NBPF20: variants seen among roughly 807,000 people sequenced by gnomAD.
NBPF20 encodes the protein NBPF family member NBPF20.
Under a neutral mutation model 68.1 loss-of-function variants are expected in NBPF20, and 90 were observed. That is an observed-to-expected ratio of 1.32 (90% CI 1.11 to 1.58). NBPF20 has a LOEUF of 1.58. Ranked by LOEUF, NBPF20 falls within the 40% of genes most tolerant of loss-of-function variation. The pLI is 0.00. For synonymous variants in NBPF20, 290 were observed against 228.1 expected (o/e 1.27, Z -2.45); for missense variants, 816 against 601.2 (o/e 1.36, Z -3.74).
intron 109 of NBPF20, among the ~76,000 whole-genome samples, 197 bp from the exon 115 acceptor site, chr1:145,314,201 G>GACAC (rs1165363505): frequency 5.6e-4 from 71 of 126,288 alleles, no homozygotes; most frequent in South Asian, 7.5e-4. Context: ...AAGACAGATA[G>GACAC]ACACACACAC....
At position 145,400,935 on chromosome 1, in the gene NBPF20, T is replaced by G. The variant is rs1571371608; in HGVS notation, c.566+124A>C. 8.3e-6 allele frequency: 10 copies of G among 1,200,748 alleles called. No individual in the cohort carries two copies. In the East Asian group the frequency reaches 2.3e-4, roughly 28 times the overall value. The allele number at this position is 1,200,748 out of a possible 1,614,324, so 74.4% of individuals were successfully genotyped here. On this transcript the variant is annotated intron_variant, in intron 5 of 137. Transcript: ENST00000369373. ...CACCCTGTGTCTAAGCTGGGTTATATTTCACATACTGTGGCCAAGCAAATG... is the reference window on the plus strand; with the variant it reads ...CACCCTGTGTCTAAGCTGGGTTATAGTTCACATACTGTGGCCAAGCAAATG...
the NBPF20 span, among the ~76,000 whole-genome samples, chr1:145,422,113 C>T: frequency 5.3e-5 from 8 of 150,478 alleles, no homozygotes; most frequent in Non-Finnish European, 1.0e-4. Flanking sequence ...CATATCACGT[C>T]GGCCCTTTAA....
At chr1:145,291,540 T>A (rs782091090) in exon 138 of NBPF20, 2 of 1,611,904 alleles carry the variant, frequency 1.2e-6, no homozygotes, top group African/African-American at 1.3e-5. Flanking sequence ...TGTGGGAATA[T>A]GACTCCCATC....
chr1:145,419,435 C>T, the NBPF20 span, among the ~76,000 whole-genome samples: 1 of 152,136 alleles, frequency 6.6e-6, no homozygotes, highest in African/African-American at 2.4e-5. Flanking sequence ...TTCCTCTGGC[C>T]CACTGTTGCC....
chr1:145,411,412 G>A, the NBPF20 span, among the ~76,000 whole-genome samples: 3 of 95,138 alleles, frequency 3.2e-5, no homozygotes, highest in Non-Finnish European at 6.0e-5. Context: ...TTTTTTTTGA[G>A]ACAGAGTCTT....
the NBPF20 span, among the ~76,000 whole-genome samples, chr1:145,425,110 C>T: frequency 6.6e-6 from 1 of 152,120 alleles, no homozygotes; most frequent in Non-Finnish European, 1.5e-5. Flanking sequence ...CCACAGAACA[C>T]CCGCCAGCGA....
chr1:145,291,994 G>C (rs1212241296), intron 137 of NBPF20, among the ~76,000 whole-genome samples: 1 of 149,904 alleles, frequency 6.7e-6, no homozygotes, highest in Non-Finnish European at 1.5e-5. Context: ...CAGAGAGAGA[G>C]AGAAAGTGAC....
Position 145,400,511 on chromosome 1 carries a change from G to C in NBPF20, c.650C>G (p.Pro217Arg), listed in dbSNP as rs1662470582. Residue 217 changes from proline to arginine, a missense_variant, in exon 6 of 138, where the codon CCT (proline) becomes CGT (arginine). By Grantham distance (103) the Pro-to-Arg change is moderately radical. Transcript: ENST00000369373. ...CCTATGTGGCTGGTTGGAGTCATAA[G>C]GGCCATGGCTATTTGAATAAGTGAT... The C allele has an allele frequency of 3.7e-6, 6 of 1,612,916 alleles. No homozygotes were observed. In the East Asian group the frequency reaches 1.1e-4, roughly 30 times the overall value.
chr1:145,397,775 A>C (rs1662329189), intron 7 of NBPF20, among the ~76,000 whole-genome samples: 1 of 152,234 alleles, frequency 6.6e-6, no homozygotes, highest in South Asian at 2.1e-4. Context: ...CCCCAGTTAA[A>C]AAACACAGAA....
rs1176216739 is a variant in NBPF20, at chr1:145,291,282, G to C, written c.*244C>G. 11 of 639,816 alleles carry C rather than the reference G, an allele frequency of 1.7e-5. No homozygotes were observed. The Admixed American group carries it at 1.8e-4, about 10-fold the overall frequency. The allele number at this position is 639,816 out of a possible 1,614,324, so 39.6% of individuals were successfully genotyped here. Reference sequence around the variant, plus strand: ...AGAGATACGTGGTTCAAATTAAAATGTCTGACTGATCACTCCCGGCATGTG... The same window carrying C: ...AGAGATACGTGGTTCAAATTAAAATCTCTGACTGATCACTCCCGGCATGTG... On this transcript the variant is annotated 3_prime_UTR_variant, in exon 138 of 138. Transcript: ENST00000369373.
the NBPF20 span, among the ~76,000 whole-genome samples, chr1:145,422,724 C>A: frequency 2.6e-5 from 4 of 152,162 alleles, no homozygotes; most frequent in Admixed American, 2.6e-4. Flanking sequence ...TGGGGTGGCT[C>A]ATGCCTGTAA....
chr1:145,298,332 A>T (rs1331688727), intron 129 of NBPF20, among the ~76,000 whole-genome samples, 198 bp from the exon 135 acceptor site: 2 of 136,222 alleles, frequency 1.5e-5, no homozygotes, highest in African/African-American at 6.6e-5. Context: ...AGACAGATAG[A>T]CACACACACA....
chr1:145,404,230 C>T (rs1184613697), intron 2 of NBPF20, among the ~76,000 whole-genome samples: 4 of 138,782 alleles, frequency 2.9e-5, no homozygotes, highest in African/African-American at 1.1e-4. Context: ...CTACTCTCTG[C>T]TTTTTATTTT....
chr1:145,397,596 G>A (rs1334748276), intron 7 of NBPF20, among the ~76,000 whole-genome samples: 7 of 152,276 alleles, frequency 4.6e-5, no homozygotes, highest in South Asian at 2.1e-4. Flanking sequence ...AGTAAACATG[G>A]AAAGGAACAA....
upstream of NBPF20, among the ~76,000 whole-genome samples, chr1:145,406,147 C>T (rs78813306): frequency 1.4e-5 from 2 of 145,956 alleles, no homozygotes; most frequent in African/African-American, 2.6e-5. Flanking sequence ...GTGTTAGCCA[C>T]GATGGTCTCG....
chr1:145,395,651 C>A (rs1553663631), intron 7 of NBPF20, among the ~76,000 whole-genome samples: 1 of 149,582 alleles, frequency 6.7e-6, no homozygotes. Flanking sequence ...ATGTATACAC[C>A]TCTCCCTGGA....
At chr1:145,401,025 C>T (rs1337477666) in intron 5 of NBPF20, 34 bp downstream of exon 10, 27 of 1,538,786 alleles carry the variant, frequency 1.8e-5, no homozygotes, top group Non-Finnish European at 2.4e-5. Context: ...CATATGTTAC[C>T]ATCCATTAAT....
At chr1:145,419,057 G>A in the NBPF20 span, among the ~76,000 whole-genome samples, 3 of 144,722 alleles carry the variant, frequency 2.1e-5, no homozygotes, top group African/African-American at 7.7e-5. Context: ...AGAATGGAGG[G>A]AGGGAAGGAA....
At position 145,291,741 on chromosome 1, in the gene NBPF20, C is replaced by A. The variant is rs587758812; in HGVS notation, c.16726G>T (p.Glu5576Ter). Residue 5576 changes from glutamate to a stop codon, truncating the protein, a stop_gained, in exon 138 of 138, where the codon GAG becomes TAG. Coordinates refer to ENST00000369373, the Ensembl canonical transcript of NBPF20. LOFTEE classifies it high-confidence loss of function. ...AGTGAGTCCTGTAAGACTTCAGGCT[C>A]TTCCACTTCCATCAGCACGCCGTTG... 1.6e-5 allele frequency: 26 copies of A among 1,611,966 alleles called. No homozygotes were observed. The highest frequency in any genetic ancestry group is 1.1e-4 in the East Asian group (5 of 44,886).
Sources: gnomAD v4.1 joint callset for allele counts (sites outside exome capture counted in the v4.1 genomes callset) on GRCh38, gnomAD v4.1.1 for gene constraint, MANE v1.5 for transcripts, NCBI Gene and HGNC (gene_info 2026-07-23, HGNC 2026-07-21) for gene names.